The following TNFSF4 variants were observed in gnomAD, a reference collection of about 807,000 sequenced individuals.
TNFSF4 encodes the protein TNF superfamily member 4, also known as tumor necrosis factor ligand superfamily member 4.
A neutral mutation model predicts 7.3 loss-of-function variants in TNFSF4; 4 were observed. That is an observed-to-expected ratio of 0.55 (90% CI 0.27 to 1.25). TNFSF4 has a LOEUF of 1.25. Ranked by LOEUF, TNFSF4 falls within the 50% of genes most tolerant of loss-of-function variation. The probability of loss-of-function intolerance (pLI) is 0.12; values close to 1 mark genes in which losing one functional copy is unlikely to be tolerated. For missense variants in TNFSF4, 181 were observed against 208.8 expected (o/e 0.87, Z 0.82); for synonymous variants, 76 against 83.7 (o/e 0.91, Z 0.50).
chr1:173,293,579 C>A, the TNFSF4 span, among the ~76,000 whole-genome samples: 6 of 151,990 alleles, frequency 3.9e-5, no homozygotes, highest in Non-Finnish European at 8.8e-5. Flanking sequence ...ATGACTAAGT[C>A]CCCAAAAGCA....
In TNFSF4 at chr1:173,185,709, T is replaced by C. The variant is rs1164385878; in HGVS notation, c.*807A>G. On this transcript the variant is annotated 3_prime_UTR_variant, in exon 3 of 3. Transcript: ENST00000281834. ...TACCCTGAGATGTCCAGTTCCCTGCTATCCTGTACAGTAAAGCTAACCCTT... is the reference window on the plus strand; with the variant it reads ...TACCCTGAGATGTCCAGTTCCCTGCCATCCTGTACAGTAAAGCTAACCCTT... The C allele has an allele frequency of 6.6e-6, 1 of 152,210 alleles. No individual in the cohort carries two copies. Among genetic ancestry groups the C allele is most frequent in the African/African-American group, 2.4e-5 (1 of 41,452 alleles). 9.4% of individuals were successfully genotyped at this position (152,210 alleles called of 1,614,324 possible). A position where few individuals can be genotyped will look rare whatever the true frequency, so the allele number is the denominator to read the frequency against.
the TNFSF4 span, among the ~76,000 whole-genome samples, chr1:173,353,652 T>C: frequency 6.6e-6 from 1 of 152,232 alleles, no homozygotes; most frequent in Admixed American, 6.5e-5. Context: ...GTAAGAGCCA[T>C]GTTAGACAAA....
chr1:173,448,478 C>T, the TNFSF4 span, among the ~76,000 whole-genome samples: 1 of 152,146 alleles, frequency 6.6e-6, no homozygotes, highest in Non-Finnish European at 1.5e-5. Context: ...AAGCTTTTAA[C>T]CACCTGGGTG....
At chr1:173,328,748 G>T in the TNFSF4 span, among the ~76,000 whole-genome samples, 1 of 151,876 alleles carries the variant, frequency 6.6e-6, no homozygotes, top group East Asian at 1.9e-4. Flanking sequence ...CATGACTTTG[G>T]ATTTGTCCAT....
At chr1:173,208,502 G>A (rs1161209027), upstream of TNFSF4, among the ~76,000 whole-genome samples, 1 of 152,166 alleles carries the variant, frequency 6.6e-6, no homozygotes, top group Admixed American at 6.5e-5. Flanking sequence ...TATGACTACA[G>A]TATTAATCAA....
At chr1:173,242,161 A>G in the TNFSF4 span, among the ~76,000 whole-genome samples, 1 of 152,216 alleles carries the variant, frequency 6.6e-6, no homozygotes, top group Non-Finnish European at 1.5e-5. Context: ...TTAGAGTGTT[A>G]TAAGTGGATA....
At chr1:173,313,713 C>G in the TNFSF4 span, among the ~76,000 whole-genome samples, 1 of 151,988 alleles carries the variant, frequency 6.6e-6, no homozygotes, top group East Asian at 1.9e-4. Flanking sequence ...AATGACTTGT[C>G]AATTTTCATT....
chr1:173,292,752 ACT>A, the TNFSF4 span, among the ~76,000 whole-genome samples: 3 of 152,022 alleles, frequency 2.0e-5, no homozygotes, highest in Admixed American at 2.0e-4. Flanking sequence ...AACCCCAAAG[ACT>A]CTGCCAAAAG....
At chr1:173,393,315 T>A in the TNFSF4 span, among the ~76,000 whole-genome samples, 2 of 152,222 alleles carry the variant, frequency 1.3e-5, no homozygotes, top group African/African-American at 4.8e-5. Context: ...ATTCGTGACA[T>A]TTTCTCACCC....
At chr1:173,324,042 C>T in the TNFSF4 span, among the ~76,000 whole-genome samples, 1 of 152,166 alleles carries the variant, frequency 6.6e-6, no homozygotes, top group African/African-American at 2.4e-5. Flanking sequence ...AGAAGAGCAA[C>T]TCCAAGACAC....
the TNFSF4 span, among the ~76,000 whole-genome samples, chr1:173,266,431 T>C: frequency 6.6e-6 from 1 of 152,176 alleles, no homozygotes; most frequent in East Asian, 1.9e-4. Flanking sequence ...GATGAACACC[T>C]GCTTTTCTGG....
Position 173,185,111 on chromosome 1 carries a change from T to C in TNFSF4, c.*1405A>G, listed in dbSNP as rs1649167856. On this transcript the variant is annotated 3_prime_UTR_variant, in exon 3 of 3. Transcript: ENST00000281834. ...AGAGATAATTGTAGCACAGTACAAT[T>C]CCTTGATAACACAGAATCATCCAGA... 6.6e-6 allele frequency: 1 copy of C among 152,206 alleles called. No individual in the cohort carries two copies. Among genetic ancestry groups the C allele is most frequent in the Non-Finnish European group, 1.5e-5 (1 of 68,040 alleles). The allele number at this position is 152,206 out of a possible 1,614,324, so 9.4% of individuals were successfully genotyped here.
At chr1:173,270,253 T>C in the TNFSF4 span, among the ~76,000 whole-genome samples, 2 of 152,116 alleles carry the variant, frequency 1.3e-5, no homozygotes, top group Non-Finnish European at 2.9e-5. Context: ...AAAGTAAAGA[T>C]GAGTAGCAGC....
chr1:173,181,578 C>G (rs1394134831), downstream of TNFSF4, among the ~76,000 whole-genome samples: 1 of 152,166 alleles, frequency 6.6e-6, no homozygotes, highest in African/African-American at 2.4e-5. Context: ...CACCAGATTT[C>G]TCAAGGGCTC....
the TNFSF4 span, among the ~76,000 whole-genome samples, chr1:173,399,249 A>G: frequency 1.5e-4 from 23 of 152,192 alleles, no homozygotes; most frequent in South Asian, 4.6e-3. Context: ...CTGCACCTAT[A>G]CCCTCATGCA....
chr1:173,202,972 C>G (rs1571202466), intron 1 of TNFSF4, among the ~76,000 whole-genome samples: 2 of 152,130 alleles, frequency 1.3e-5, no homozygotes, highest in East Asian at 3.8e-4. Flanking sequence ...CTCCTCCCTC[C>G]TCTCATCTTC....
At chr1:173,403,118 C>T in the TNFSF4 span, among the ~76,000 whole-genome samples, 1 of 152,156 alleles carries the variant, frequency 6.6e-6, no homozygotes, top group Non-Finnish European at 1.5e-5. Flanking sequence ...TCCCAAAGTG[C>T]CAGGATTACA....
downstream of TNFSF4, among the ~76,000 whole-genome samples, chr1:173,183,322 A>G (rs1649090473): frequency 2.6e-5 from 4 of 152,230 alleles, no homozygotes. Flanking sequence ...CACCATCAAA[A>G]GTAGCACAGG....
chr1:173,427,760 G>A, the TNFSF4 span, among the ~76,000 whole-genome samples: 3 of 152,042 alleles, frequency 2.0e-5, no homozygotes, highest in Admixed American at 1.3e-4. Flanking sequence ...TACACACTTA[G>A]GCTATATGGT....
Sources: allele counts gnomAD v4.1 joint callset (sites outside exome capture counted in the v4.1 genomes callset), GRCh38; gene constraint gnomAD v4.1.1; transcripts MANE v1.5; gene names NCBI Gene and HGNC (gene_info 2026-07-23, HGNC 2026-07-21).